Variants in DDHD2 observed in about 807,000 individuals in gnomAD.
DDHD2 encodes the protein DDHD domain containing 2.
A neutral mutation model predicts 91.2 loss-of-function variants in DDHD2; 62 were observed. The observed-to-expected ratio is 0.68, with a 90% CI of 0.55 to 0.84. The LOEUF (loss-of-function observed/expected upper bound fraction) is 0.84. Among genes scored for constraint, DDHD2 ranks in the 40% least tolerant of loss-of-function variants. DDHD2 has a pLI of 0.00. For missense variants in DDHD2, 740 were observed against 846.9 expected, an observed-to-expected ratio of 0.87 and a Z score of 1.57; for synonymous variants, 271 against 293.9, an observed-to-expected ratio of 0.92 and a Z score of 0.80.
chr8:38,259,409 C>T (rs1257337945), intron 16 of DDHD2, among the ~76,000 whole-genome samples: 20 of 146,756 alleles, frequency 1.4e-4, no homozygotes, highest in Admixed American at 9.6e-4. Flanking sequence ...TTTTTTTAGA[C>T]GGAGTCTCGC....
intron 10 of DDHD2, among the ~76,000 whole-genome samples, chr8:38,248,614 C>A (rs1805842631): frequency 6.6e-6 from 1 of 151,984 alleles, no homozygotes; most frequent in Admixed American, 6.6e-5. Context: ...TAAGAATTAA[C>A]CTGGTCTCAT....
In DDHD2 at chr8:38,234,453, G is replaced by A. The variant is rs202216406; in HGVS notation, c.280G>A (p.Gly94Arg). The change falls in exon 3 of 18, where the codon GGG (glycine) becomes AGG (arginine). Residue 94 changes from glycine to arginine, a missense_variant. Gly to Arg is a moderately radical substitution (Grantham distance 125). Around this residue, in one of 2 missense-constraint regions of DDHD2, gnomAD observed 693 missense variants for 764.2 expected, o/e 0.91. Coordinates refer to ENST00000397166, the MANE Select transcript of DDHD2 (RefSeq NM_015214.3). ...TGGGGGCAGATATGATGTTCATTTG[G>A]GGGAGAGGATGCGGTATGCTGTATA... ...TDGGRYDVHLGERMRYAVYWD... is the reference protein window; with the variant it reads ...TDGGRYDVHLRERMRYAVYWD... The A allele has an allele frequency of 2.5e-6, 4 of 1,612,008 alleles. No individual in the cohort carries two copies. Among genetic ancestry groups the A allele is most frequent in the Non-Finnish European group, 3.4e-6 (4 of 1,179,690 alleles).
intron 10 of DDHD2, among the ~76,000 whole-genome samples, 157 bp from the exon 11 acceptor site, chr8:38,249,551 A>C (rs1805940906): frequency 6.7e-6 from 1 of 149,490 alleles, no homozygotes; most frequent in South Asian, 2.1e-4. Flanking sequence ...AGGCTGTTTC[A>C]TGAATAAAAC....
intron 3 of DDHD2, among the ~76,000 whole-genome samples, chr8:38,235,285 C>A (rs1804623401): frequency 6.6e-6 from 1 of 151,984 alleles, no homozygotes; most frequent in African/African-American, 2.4e-5. Context: ...GTTGGCTAGG[C>A]TTGTCTCGAA....
chr8:38,252,598 C>A, intron 13 of DDHD2, 124 bp from the exon 14 acceptor site: 1 of 715,028 alleles, frequency 1.4e-6, no homozygotes. Context: ...GCCATGATTG[C>A]ACCACTGCAC....
At chr8:38,246,363 G>T (rs1805635886) in intron 9 of DDHD2, 63 bp downstream of exon 9, 7 of 1,341,704 alleles carry the variant, frequency 5.2e-6, no homozygotes, top group South Asian at 2.6e-5. Context: ...ATAGATTTTA[G>T]ACTTATTTTT....
intron 7 of DDHD2, among the ~76,000 whole-genome samples, 174 bp from the exon 8 acceptor site, chr8:38,245,568 T>C (rs1805565484): frequency 6.6e-6 from 1 of 152,220 alleles, no homozygotes; most frequent in South Asian, 2.1e-4. Context: ...TACTCTGAAT[T>C]TTGCTTATCA....
At chr8:38,232,651 T>A (rs952301191) in intron 1 of DDHD2, among the ~76,000 whole-genome samples, 1 of 152,224 alleles carries the variant, frequency 6.6e-6, no homozygotes, top group African/African-American at 2.4e-5. Context: ...ACATTTAGAT[T>A]GGAAATTAGG....
chr8:38,267,845 TG>T, intron 1 of DDHD2: 2 of 1,553,370 alleles, frequency 1.3e-6, no homozygotes, highest in Non-Finnish European at 1.8e-6. Context: ...CTCTCTGTTC[TG>T]GTGGGTAAGG....
intron 7 of DDHD2, among the ~76,000 whole-genome samples, chr8:38,243,398 A>C (rs910246834): frequency 2.6e-5 from 4 of 152,118 alleles, no homozygotes; most frequent in African/African-American, 9.7e-5. Flanking sequence ...AAAAAACCTT[A>C]CTGCTGAGAA....
intron 3 of DDHD2, 135 bp from the exon 4 acceptor site, chr8:38,237,403 G>T (rs1404091975): frequency 5.7e-6 from 3 of 529,584 alleles, no homozygotes; most frequent in African/African-American, 4.0e-5. Flanking sequence ...ACAACAAAAA[G>T]ATTTAAAAAT....
chr8:38,267,903 A>G (rs1807921241), intron 1 of DDHD2: 1 of 1,613,836 alleles, frequency 6.2e-7, no homozygotes, highest in Admixed American at 1.7e-5. Flanking sequence ...TTACCTCCCT[A>G]CGATCAGTTT....
chr8:38,254,227 A>G (rs1213808993), intron 16 of DDHD2, among the ~76,000 whole-genome samples: 1 of 152,208 alleles, frequency 6.6e-6, no homozygotes, highest in Non-Finnish European at 1.5e-5. Context: ...TAATGATGCC[A>G]ACAACCATAA....
intron 16 of DDHD2, among the ~76,000 whole-genome samples, chr8:38,255,159 C>G (rs1235121686): frequency 7.3e-6 from 1 of 136,784 alleles, no homozygotes; most frequent in East Asian, 2.1e-4. Flanking sequence ...ACGGCCACCG[C>G]AGTCCAGCCT....
chr8:38,255,176 C>CTCT, intron 16 of DDHD2: 1 of 226,884 alleles, frequency 4.4e-6, no homozygotes, highest in South Asian at 3.8e-5. Context: ...GCCTGGGTGA[C>CTCT]AGAGCGAGAC....
intron 1 of DDHD2, chr8:38,269,177 A>ACAG: frequency 6.6e-7 from 1 of 1,505,046 alleles, no homozygotes; most frequent in Admixed American, 2.1e-5. Flanking sequence ...CCCAAAGGCC[A>ACAG]CCGCCGCCGC....
At chr8:38,257,864 A>G (rs1298382077) in intron 16 of DDHD2, among the ~76,000 whole-genome samples, 1 of 151,696 alleles carries the variant, frequency 6.6e-6, no homozygotes, top group Non-Finnish European at 1.5e-5. Flanking sequence ...GGGTTTCACC[A>G]TGTTGGTCAG....
At chr8:38,235,582 A>G (rs1804652426) in intron 3 of DDHD2, among the ~76,000 whole-genome samples, 1 of 151,696 alleles carries the variant, frequency 6.6e-6, no homozygotes, top group South Asian at 2.1e-4. Context: ...TTAGCTGGGC[A>G]CGGTGGTGCA....
At chr8:38,241,495 A>G (rs1017164896) in intron 6 of DDHD2, among the ~76,000 whole-genome samples, 1 of 151,666 alleles carries the variant, frequency 6.6e-6, no homozygotes, top group Non-Finnish European at 1.5e-5. Flanking sequence ...AACTCAGCTC[A>G]CTGCAACTTC....
Sources: gnomAD v4.1 joint callset for allele counts (sites outside exome capture counted in the v4.1 genomes callset) on GRCh38, gnomAD v4.1.1 for gene constraint, gnomAD v4.1.1 regional missense constraint, MANE v1.5 for transcripts, NCBI Gene and HGNC (gene_info 2026-07-23, HGNC 2026-07-21) for gene names.